Variants in TMEM267 observed in about 807,000 individuals in gnomAD.
TMEM267 encodes the protein transmembrane protein 267, also known as transmembrane protein C5orf28.
In TMEM267, 20 loss-of-function variants were observed where a neutral mutation model predicts 19.3. That is an observed-to-expected ratio of 1.04 (90% CI 0.73 to 1.51). The LOEUF is 1.51. Among genes scored for constraint, TMEM267 ranks in the 40% most tolerant of loss-of-function variants. The pLI is 0.00. For synonymous variants in TMEM267, 88 were observed against 90.3 expected (o/e 0.97, Z 0.15); for missense variants, 242 against 261.9 (o/e 0.92, Z 0.52).
chr5:43,475,212 G>A (rs1386835590), intron 1 of TMEM267, among the ~76,000 whole-genome samples: 1 of 152,214 alleles, frequency 6.6e-6, no homozygotes, highest in East Asian at 1.9e-4. Context: ...ATGAACTCAT[G>A]TCCTTTGCAG....
chr5:43,462,490 G>A (rs1384652379), intron 1 of TMEM267, among the ~76,000 whole-genome samples: 1 of 152,112 alleles, frequency 6.6e-6, no homozygotes, highest in South Asian at 2.1e-4. Flanking sequence ...TTTTCAGACA[G>A]AGAATTTAAA....
chr5:43,462,633 G>C (rs928496789), intron 1 of TMEM267, among the ~76,000 whole-genome samples: 4 of 152,084 alleles, frequency 2.6e-5, no homozygotes, highest in Non-Finnish European at 5.9e-5. Flanking sequence ...GCTGAAAAAT[G>C]CAATTGGCAT....
intron 2 of TMEM267, among the ~76,000 whole-genome samples, chr5:43,450,844 GT>G (rs1742545620): frequency 6.6e-6 from 1 of 151,214 alleles, no homozygotes; most frequent in Non-Finnish European, 1.5e-5. Context: ...GTTTTGTTTT[GT>G]TTTTTTGAGA....
intron 1 of TMEM267, among the ~76,000 whole-genome samples, chr5:43,460,716 G>A (rs1743209037): frequency 6.6e-6 from 1 of 152,188 alleles, no homozygotes; most frequent in Admixed American, 6.5e-5. Flanking sequence ...TCCTGTTAGA[G>A]CAGAAAGGAA....
chr5:43,455,345 C>T (rs1329107731), intron 1 of TMEM267, among the ~76,000 whole-genome samples: 1 of 151,872 alleles, frequency 6.6e-6, no homozygotes, highest in East Asian at 1.9e-4. Flanking sequence ...ATCGCTTAAG[C>T]CCCGGAGGTT....
intron 1 of TMEM267, chr5:43,454,538 C>CA (rs1258668469): frequency 6.6e-6 from 1 of 152,116 alleles, no homozygotes; most frequent in African/African-American, 2.4e-5. Flanking sequence ...GATTCCTTTC[C>CA]AAAATTTGTC....
At chr5:43,479,207 TTAAAAGA>T (rs1744610161) in intron 1 of TMEM267, among the ~76,000 whole-genome samples, 2 of 151,974 alleles carry the variant, frequency 1.3e-5, no homozygotes, top group African/African-American at 4.8e-5. Context: ...GTATTCAAAT[TTAAAAGA>T]TAACCTATAA....
chr5:43,481,838 TTTTG>T (rs1042711506), intron 1 of TMEM267, among the ~76,000 whole-genome samples: 6 of 152,040 alleles, frequency 3.9e-5, no homozygotes, highest in South Asian at 2.1e-4. Flanking sequence ...GTCTACTGTT[TTTTG>T]TTTGTTTGTG....
chr5:43,456,068 C>T (rs1742931095), intron 1 of TMEM267, among the ~76,000 whole-genome samples: 1 of 151,530 alleles, frequency 6.6e-6, no homozygotes, highest in African/African-American at 2.4e-5. Context: ...GTCTCGAACT[C>T]CTGGCCTCAA....
chr5:43,465,904 T>G (rs1426149564), intron 1 of TMEM267, among the ~76,000 whole-genome samples: 1 of 150,930 alleles, frequency 6.6e-6, no homozygotes, highest in Non-Finnish European at 1.5e-5. Flanking sequence ...TGTATACATA[T>G]GTAACAAACC....
intron 1 of TMEM267, among the ~76,000 whole-genome samples, chr5:43,473,380 C>T (rs1299528831): frequency 6.6e-6 from 1 of 152,108 alleles, no homozygotes; most frequent in African/African-American, 2.4e-5. Flanking sequence ...CCAAAATCTC[C>T]TTAAGCTGAT....
chr5:43,474,337 A>C (rs1744276125), intron 1 of TMEM267, among the ~76,000 whole-genome samples: 2 of 152,244 alleles, frequency 1.3e-5, no homozygotes, highest in Non-Finnish European at 1.5e-5. Flanking sequence ...ACAGACTGGG[A>C]GAAAATTTTT....
chr5:43,453,946 G>A lies in TMEM267; in HGVS notation c.24C>T (p.Thr8=), dbSNP rs1157195483. 1.2e-6 allele frequency: 2 copies of A among 1,613,542 alleles called. No homozygotes were observed. Among genetic ancestry groups the A allele is most frequent in the Admixed American group, 1.7e-5 (1 of 59,916 alleles). ...TGCTACAAGTCTGCAGTAAAGCATG[G>A]GTCTTTTCAGTCTCGGATGCCATGA... is the stretch of plus-strand genomic sequence containing the variant. MASETEK[T]HALLQTCSTE... Residue 8 remains threonine (T), a synonymous_variant, in exon 2 of 3, where the codon ACC becomes ACT. Coordinates refer to ENST00000397080, the MANE Select transcript of TMEM267 (RefSeq NM_022483.5).
chr5:43,482,457 A>T (rs1744844530), intron 1 of TMEM267, among the ~76,000 whole-genome samples: 1 of 152,154 alleles, frequency 6.6e-6, no homozygotes, highest in Non-Finnish European at 1.5e-5. Context: ...TCCCCCTACA[A>T]ATAAAACGGA....
intron 1 of TMEM267, among the ~76,000 whole-genome samples, chr5:43,464,289 C>T (rs1460173742): frequency 1.3e-5 from 2 of 151,824 alleles, no homozygotes; most frequent in Non-Finnish European, 2.9e-5. Context: ...CAAACCACTG[C>T]TCAATGAAAT....
intron 1 of TMEM267, among the ~76,000 whole-genome samples, chr5:43,465,356 C>A (rs1743588108): frequency 1.3e-5 from 2 of 152,230 alleles, no homozygotes; most frequent in Admixed American, 1.3e-4. Flanking sequence ...CACTTTTACA[C>A]TGTTGGTGGG....
At position 43,446,439 on chromosome 5, in the gene TMEM267, A is replaced by G; in HGVS notation, c.431T>C (p.Leu144Pro). The change falls in exon 3 of 3, where the codon CTT becomes CCT. Residue 144 changes from leucine (L) to proline (P), a missense_variant. Transcript: ENST00000397080. Reference sequence around the variant, plus strand: ...CCAGGATATAAATAACATCCAGGGAAGAAAGCACCATGAGTCTTTGAGCTT... The same window carrying G: ...CCAGGATATAAATAACATCCAGGGAGGAAAGCACCATGAGTCTTTGAGCTT... Reference protein sequence around the residue: ...LFKLKDSWCFLPWMLFISWTS... With the variant: ...LFKLKDSWCFPPWMLFISWTS... 1 of 1,614,040 alleles carries G rather than the reference A, an allele frequency of 6.2e-7. No homozygotes were observed. Among genetic ancestry groups the G allele is most frequent in the Middle Eastern group, 1.6e-4 (1 of 6,062 alleles).
chr5:43,456,642 A>C (rs1287246854), intron 1 of TMEM267, among the ~76,000 whole-genome samples: 1 of 152,188 alleles, frequency 6.6e-6, no homozygotes, highest in Non-Finnish European at 1.5e-5. Context: ...ATAGCCAATA[A>C]GTATAAGAAA....
chr5:43,468,881 C>A (rs759591026), intron 1 of TMEM267, among the ~76,000 whole-genome samples: 2 of 152,072 alleles, frequency 1.3e-5, no homozygotes, highest in Non-Finnish European at 2.9e-5. Context: ...TCTTCCCTGA[C>A]CACAGTGGAA....
Sources: gnomAD v4.1 joint callset for allele counts (sites outside exome capture counted in the v4.1 genomes callset) on GRCh38, gnomAD v4.1.1 for gene constraint, MANE v1.5 for transcripts, NCBI Gene and HGNC (gene_info 2026-07-23, HGNC 2026-07-21) for gene names.